Variants in HERC2 observed in about 807,000 individuals in gnomAD.
HERC2 encodes the protein E3 ubiquitin-protein ligase HERC2.
A neutral mutation model predicts 537.7 loss-of-function variants in HERC2; 102 were observed. That is an observed-to-expected ratio of 0.19 (90% confidence interval 0.16 to 0.22). HERC2 has a LOEUF of 0.22. Ranked by LOEUF, HERC2 falls within the 10% of genes least tolerant of loss-of-function variation. The probability of loss-of-function intolerance (pLI) is 1.00; values close to 1 mark genes in which losing one functional copy is unlikely to be tolerated. For missense variants in HERC2, 4,236 were observed against 6,198.2 expected, an observed-to-expected ratio of 0.68 and a Z score of 10.63; for synonymous variants, 2,224 against 2,466.2, an observed-to-expected ratio of 0.90 and a Z score of 2.91.
In HERC2 at chr15:28,281,701, G is replaced by A. The variant is rs145281467; in HGVS notation, c.323-1414C>T. ...CTAAGAGCTAATAGTTATTTAAAAC[G>A]ACATGAAGAATACTGAATTGCACAC... On this transcript the variant is annotated intron_variant, in intron 4 of 92. Coordinates refer to ENST00000261609, the MANE Select transcript of HERC2 (RefSeq NM_004667.6). Among the ~76,000 whole-genome samples, 630 of 152,248 alleles carry A rather than the reference G, an allele frequency of 4.1e-3. 5 individuals are homozygous for A. Among genetic ancestry groups the A allele is most frequent in the African/African-American group, 0.014 (596 of 41,550 alleles).
In HERC2 at chr15:28,214,936, G is replaced by C. The variant is rs73362650; in HGVS notation, c.6211-134C>G. The C allele has an allele frequency of 0.025, 16,953 of 686,470 alleles. 2,248 individuals are homozygous for C. The African/African-American group carries it at 0.28, about 11-fold the overall frequency. The allele number at this position is 686,470 out of a possible 1,614,324, so 42.5% of individuals were successfully genotyped here. ...CACCCGGGCTGGAGTGCAGTGGCAC[G>C]GTCTCGGCTCACTACAAACTCCCAC... is the stretch of plus-strand genomic sequence containing the variant. On this transcript the variant is annotated intron_variant, in intron 39 of 92. Coordinates refer to ENST00000261609, the MANE Select transcript of HERC2 (RefSeq NM_004667.6).
intron 2 of HERC2, among the ~76,000 whole-genome samples, chr15:28,306,123 CAGT>C: frequency 6.6e-6 from 1 of 152,328 alleles, no homozygotes; most frequent in East Asian, 1.9e-4. Context: ...ACAGTGGTGA[CAGT>C]GGGCATCCGT....
intron 14 of HERC2, among the ~76,000 whole-genome samples, chr15:28,263,862 T>C (rs2075482015): frequency 6.6e-6 from 1 of 151,636 alleles, no homozygotes; most frequent in Admixed American, 6.6e-5. Context: ...CAAAACCCTG[T>C]CTGTACTAAA....
rs752186829 is a variant in HERC2 at position 28,152,876 on chromosome 15, A to G, written c.10747-46T>C. On this transcript the variant is annotated intron_variant, in intron 69 of 92. Coordinates refer to ENST00000261609, the MANE Select transcript of HERC2 (RefSeq NM_004667.6). ...TGAATGAGGGGGCCAACAGCCCCACACCTGGTCACCTGCATGCCACCTCTG... is the reference window on the plus strand; with the variant it reads ...TGAATGAGGGGGCCAACAGCCCCACGCCTGGTCACCTGCATGCCACCTCTG... 2.0e-6 allele frequency: 3 copies of G among 1,531,518 alleles called. No homozygotes were observed. In the East Asian group the frequency reaches 7.4e-5, roughly 38 times the overall value. 94.9% of individuals were successfully genotyped at this position (1,531,518 alleles called of 1,614,324 possible).
chr15:28,228,144 A>AAT, intron 35 of HERC2, 74 bp downstream of exon 35: 1 of 1,238,338 alleles, frequency 8.1e-7, no homozygotes, highest in Non-Finnish European at 1.1e-6. Flanking sequence ...AAAAAAAAAA[A>AAT]GAAAAGAAAA....
intron 2 of HERC2, among the ~76,000 whole-genome samples, chr15:28,309,342 G>C (rs896767221): frequency 1.9e-4 from 29 of 152,230 alleles, no homozygotes; most frequent in Middle Eastern, 3.4e-3. Context: ...GGGTGCTCTA[G>C]TGTTGAGTGC....
Position 28,142,882 on chromosome 15 carries a change from T to C in HERC2, c.11489A>G (p.Tyr3830Cys). The C allele has an allele frequency of 6.3e-7, 1 of 1,592,270 alleles. No individual in the cohort carries two copies. Among genetic ancestry groups the C allele is most frequent in the Non-Finnish European group, 8.6e-7 (1 of 1,160,900 alleles). ...LPEALQRQFEYEDPIVRGGKQ... is the reference protein window; with the variant it reads ...LPEALQRQFECEDPIVRGGKQ... ...GCCACCCCTCACAATAGGATCTTCA[T>C]ATTCAAACTGCCTTTGCAAAGCTTC... The change falls in exon 75 of 93, where the codon TAT (tyrosine) becomes TGT (cysteine). Residue 3830 changes from tyrosine to cysteine, a missense_variant. This residue lies in a region of HERC2 where 23 missense variants were observed against 60.0 expected (regional missense o/e 0.38). Transcript: ENST00000261609.
intron 20 of HERC2, 45 bp downstream of exon 20, chr15:28,254,295 A>G (rs773472220): frequency 2.9e-6 from 4 of 1,388,514 alleles, no homozygotes; most frequent in Admixed American, 2.4e-5. Flanking sequence ...ACACAAAAAA[A>G]AGTAAATAAA....
Position 28,132,701 on chromosome 15 carries a change from G to A in HERC2, c.12360C>T (p.Tyr4120=), listed in dbSNP as rs556204835. The A allele has an allele frequency of 2.3e-4, 370 of 1,593,814 alleles. 8 individuals carry two copies. In the South Asian group the frequency reaches 3.7e-3, roughly 16 times the overall value. ...GDLYTWGKGR[Y]GRLGHSDSED... is the part of the protein sequence containing the mutation. ...CACTGTCGCTGTGCCCCAGCCGGCC[G>A]TAGCGGCCTTTGCCCCATGTGTAGA... The change falls in exon 80 of 93, where the codon TAC becomes TAT. Residue 4120 remains tyrosine, a synonymous_variant. Transcript: ENST00000261609.
At chr15:28,210,795 C>CT (rs1160305236) in intron 44 of HERC2, among the ~76,000 whole-genome samples, 2 of 151,748 alleles carry the variant, frequency 1.3e-5, no homozygotes, top group Non-Finnish European at 2.9e-5. Flanking sequence ...ACCTTTTTCC[C>CT]TCCCCACCCA....
rs1337814586 is a variant in HERC2, at chr15:28,121,408, C to T, written c.13210G>A (p.Val4404Ile). ...CGATCGCGTACCATAGTTGCTTGTA[C>T]TACTTTCCGGAAAGCCGCCTCCTAA... ...QGKEAAFRKV[V>I]QATMVRDRQH... Residue 4404 changes from valine (V) to isoleucine (I), a missense_variant, in exon 86 of 93, where the codon GTA (valine) becomes ATA (isoleucine). Val to Ile is a conservative substitution (Grantham distance 29). Coordinates refer to ENST00000261609, the MANE Select transcript of HERC2 (RefSeq NM_004667.6). 1 of 1,614,212 alleles carries T rather than the reference C, an allele frequency of 6.2e-7. No homozygotes were observed. Among genetic ancestry groups the T allele is most frequent in the South Asian group, 1.1e-5 (1 of 91,086 alleles).
chr15:28,215,406 A>G (rs778898141), intron 39 of HERC2, among the ~76,000 whole-genome samples: 41 of 152,226 alleles, frequency 2.7e-4, no homozygotes, highest in Non-Finnish European at 5.0e-4. Context: ...GAGTAGTTGC[A>G]GGATTTACCA....
chr15:28,249,937 G>C (rs1904119791), intron 20 of HERC2, among the ~76,000 whole-genome samples: 1 of 151,724 alleles, frequency 6.6e-6, no homozygotes, highest in African/African-American at 2.4e-5. Flanking sequence ...TTACAGGCGT[G>C]AGCCACCACG....
chr15:28,295,308 T>TGGG (rs3079935), intron 3 of HERC2, among the ~76,000 whole-genome samples: 11 of 79,680 alleles, frequency 1.4e-4, no homozygotes, highest in Non-Finnish European at 1.9e-4. Context: ...TACATGTGTG[T>TGGG]GGGGGGGGGG....
chr15:28,268,334 T>A lies in HERC2; in HGVS notation c.1598+131A>T. ...ACCAAGGAGGAGGCATATCGTAGTG[T>A]CCTGCTCCATCCCAGCGCTACATGT... On this transcript the variant is annotated intron_variant, in intron 12 of 92. Transcript: ENST00000261609. This position sits in a 1 kb window ranked among gnomAD's most constrained non-coding sequence, Gnocchi z 4.7. The A allele has an allele frequency of 2.5e-6, 2 of 786,110 alleles. No homozygotes were observed. Among genetic ancestry groups the A allele is most frequent in the Non-Finnish European group, 4.1e-6 (2 of 487,308 alleles). 48.7% of individuals were successfully genotyped at this position (786,110 alleles called of 1,614,324 possible).
chr15:28,130,186 T>G lies in HERC2; in HGVS notation c.12779A>C (p.His4260Pro). 2 of 1,614,152 alleles carry G rather than the reference T, an allele frequency of 1.2e-6. No individual in the cohort carries two copies. The highest frequency in any genetic ancestry group is 1.7e-6 in the Non-Finnish European group (2 of 1,180,020). The change falls in exon 83 of 93, where the codon CAC (histidine) becomes CCC (proline). Residue 4260 changes from histidine (H) to proline (P), a missense_variant. His to Pro is a moderately conservative substitution (Grantham distance 77, BLOSUM62 -2). Around this residue, in one of 27 missense-constraint regions of HERC2, gnomAD observed 189 missense variants for 255.7 expected, o/e 0.74. Transcript: ENST00000261609. ...KVIAIATGSL[H>P]CVCCTEDGEV... ...ACCATCCTCTGTGCAGCACACACAGTGCAGGGAGCCAGTGGCGATGGCGAT... is the reference window on the plus strand; with the variant it reads ...ACCATCCTCTGTGCAGCACACACAGGGCAGGGAGCCAGTGGCGATGGCGAT...
At chr15:28,275,140 AT>A in intron 5 of HERC2, 135 bp from the exon 6 acceptor site, 1 of 493,972 alleles carries the variant, frequency 2.0e-6, no homozygotes, top group Non-Finnish European at 3.6e-6. Flanking sequence ...TCACAAGTGG[AT>A]TTTTCGTTTT....
chr15:28,310,849 G>A (rs534061986), intron 2 of HERC2, among the ~76,000 whole-genome samples: 11 of 152,162 alleles, frequency 7.2e-5, no homozygotes, highest in South Asian at 2.1e-4. Context: ...AGGCCGAAGC[G>A]GGTGGATCAT....
At position 28,113,663 on chromosome 15, in the gene HERC2, A is replaced by G. The variant is rs1344432262; in HGVS notation, c.13929T>C (p.Asp4643=). The G allele has an allele frequency of 1.2e-6, 2 of 1,613,912 alleles. No homozygotes were observed. The highest frequency in any genetic ancestry group is 1.7e-6 in the Non-Finnish European group (2 of 1,179,810). The change falls in exon 91 of 93, where the codon GAT becomes GAC. Residue 4643 remains aspartate (D), a synonymous_variant. Transcript: ENST00000261609. This position sits in a 1 kb window ranked among gnomAD's most constrained non-coding sequence, Gnocchi z 7.0. Reference sequence around the variant, plus strand: ...CTTCCCGAACAGCAGCCACCTGCTCATCAAATTCATGGAGTCTGGAAGAAA... The same window carrying G: ...CTTCCCGAACAGCAGCCACCTGCTCGTCAAATTCATGGAGTCTGGAAGAAA... ...LAINYRLHEF[D]EQVAAVREGM... is the part of the protein sequence containing the mutation.
Sources: allele counts gnomAD v4.1 joint callset (sites outside exome capture counted in the v4.1 genomes callset), GRCh38; gene constraint gnomAD v4.1.1; regional missense constraint gnomAD v4.1.1; non-coding constraint Gnocchi (gnomAD v3.1); transcripts MANE v1.5; gene names NCBI Gene and HGNC (gene_info 2026-07-23, HGNC 2026-07-21).